The following NDUFA8 variants were observed in gnomAD, a reference collection of about 807,000 sequenced individuals.
The protein encoded by NDUFA8 is NADH dehydrogenase [ubiquinone] 1 alpha subcomplex subunit 8.
A neutral mutation model predicts 20.9 loss-of-function variants in NDUFA8; 16 were observed. The observed-to-expected ratio is 0.77, with a 90% CI of 0.52 to 1.16. The LOEUF is 1.16. NDUFA8 is among the 50% of genes most tolerant of loss of function. The pLI is 0.00. For missense variants in NDUFA8, 202 were observed against 216.4 expected, an observed-to-expected ratio of 0.93 and a Z score of 0.42; for synonymous variants, 70 against 76.1, an observed-to-expected ratio of 0.92 and a Z score of 0.41.
At chr9:122,137,743 G>T in the NDUFA8 span, among the ~76,000 whole-genome samples, 15 of 152,346 alleles carry the variant, frequency 9.8e-5, no homozygotes, top group African/African-American at 3.6e-4. Context: ...CCCCCAGCAA[G>T]CTGGCTAATA....
intron 1 of NDUFA8, 76 bp from the exon 2 acceptor site, chr9:122,152,484 G>A: frequency 7.0e-7 from 1 of 1,420,650 alleles, no homozygotes; most frequent in South Asian, 1.2e-5. Flanking sequence ...CCTCATGCGG[G>A]TCAGAATAGA....
At chr9:122,158,841 GC>G in intron 1 of NDUFA8, among the ~76,000 whole-genome samples, 1 of 150,872 alleles carries the variant, frequency 6.6e-6, no homozygotes, top group Non-Finnish European at 1.5e-5. Flanking sequence ...TTATAGTGTT[GC>G]TGGGAGGATT....
At chr9:122,149,733 G>A (rs1347408543) in intron 2 of NDUFA8, among the ~76,000 whole-genome samples, 4 of 152,160 alleles carry the variant, frequency 2.6e-5, no homozygotes, top group Non-Finnish European at 4.4e-5. Context: ...CAAGGTAGGC[G>A]GATCACTTGA....
rs539358929 is a variant in NDUFA8, at chr9:122,146,724, C to T, written c.381+1388G>A. ...CCAGACTGGGTAATATAGCAAAATC[C>T]TGTCTCTACTAAAATACAAAAATTA... On this transcript the variant is annotated intron_variant, in intron 3 of 3. Transcript: ENST00000373768. Among the ~76,000 whole-genome samples the T allele has an allele frequency of 2.6e-5, 4 of 152,296 alleles. No individual in the cohort carries two copies. In the South Asian group the frequency reaches 8.3e-4, roughly 32 times the overall value.
At chr9:122,146,296 AT>A (rs140728158) in intron 3 of NDUFA8, among the ~76,000 whole-genome samples, 2,383 of 150,956 alleles carry the variant, frequency 0.016, 36 homozygotes, top group Middle Eastern at 0.027. Context: ...AGTTAAGAGA[AT>A]TTTTTTTTTA....
intron 1 of NDUFA8, among the ~76,000 whole-genome samples, chr9:122,153,537 T>C (rs1199770872): frequency 6.6e-6 from 1 of 152,180 alleles, no homozygotes; most frequent in African/African-American, 2.4e-5. Flanking sequence ...AGTGATATTT[T>C]CTTGAGAAGA....
downstream of NDUFA8, among the ~76,000 whole-genome samples, chr9:122,141,156 T>C (rs1455333839): frequency 1.3e-5 from 2 of 151,940 alleles, no homozygotes; most frequent in African/African-American, 4.8e-5. Flanking sequence ...TGCTGTAGAG[T>C]ATAGGCTACA....
At chr9:122,142,101 A>G (rs1368023650), downstream of NDUFA8, among the ~76,000 whole-genome samples, 2 of 152,236 alleles carry the variant, frequency 1.3e-5, no homozygotes, top group African/African-American at 2.4e-5. Flanking sequence ...GGTATGGTTT[A>G]TTCCCTCATT....
downstream of NDUFA8, among the ~76,000 whole-genome samples, chr9:122,140,432 T>A (rs76065912): frequency 0.039 from 6,016 of 152,320 alleles, 184 homozygotes; most frequent in Admixed American, 0.083. Context: ...GGATTTGATA[T>A]CTACAAAGAT....
the NDUFA8 span, among the ~76,000 whole-genome samples, chr9:122,138,493 C>G: frequency 6.6e-6 from 1 of 152,104 alleles, no homozygotes; most frequent in Non-Finnish European, 1.5e-5. Context: ...TGGCGTTAAT[C>G]ATTAAGGTAA....
the NDUFA8 span, among the ~76,000 whole-genome samples, chr9:122,137,238 C>CTTTCT: frequency 9.4e-6 from 1 of 106,588 alleles, no homozygotes; most frequent in South Asian, 3.3e-4. Flanking sequence ...TTTTCCTTTC[C>CTTTCT]TTTTTTTTTT....
At chr9:122,135,871 G>A in the NDUFA8 span, among the ~76,000 whole-genome samples, 1 of 152,210 alleles carries the variant, frequency 6.6e-6, no homozygotes, top group Non-Finnish European at 1.5e-5. Context: ...TTACAGGTGT[G>A]AGCCACCATG....
chr9:122,140,751 G>A (rs1828807359), downstream of NDUFA8, among the ~76,000 whole-genome samples: 1 of 152,188 alleles, frequency 6.6e-6, no homozygotes, highest in Non-Finnish European at 1.5e-5. Flanking sequence ...TTTTGTGTGT[G>A]TAACTCACTA....
chr9:122,143,926 G>A, downstream of NDUFA8: 1 of 542,692 alleles, frequency 1.8e-6, no homozygotes, highest in Non-Finnish European at 2.9e-6. Flanking sequence ...TGTTCTAACA[G>A]GGATCCCCAG....
At chr9:122,153,519 A>G (rs1181639217) in intron 1 of NDUFA8, among the ~76,000 whole-genome samples, 1 of 152,168 alleles carries the variant, frequency 6.6e-6, no homozygotes, top group East Asian at 1.9e-4. Context: ...TTTGCTCAAT[A>G]GTATTTTAGT....
chr9:122,139,859 A>G (rs1390379704), downstream of NDUFA8, among the ~76,000 whole-genome samples: 1 of 152,050 alleles, frequency 6.6e-6, no homozygotes, highest in Non-Finnish European at 1.5e-5. Flanking sequence ...ACGCCCAGCT[A>G]ATTTTTGTAT....
chr9:122,147,211 T>G (rs1828917068), intron 3 of NDUFA8, among the ~76,000 whole-genome samples: 1 of 151,606 alleles, frequency 6.6e-6, no homozygotes, highest in South Asian at 2.1e-4. Flanking sequence ...TGTCCAAGAA[T>G]AAGATAACAG....
At chr9:122,148,377 T>C in intron 2 of NDUFA8, 100 bp from the exon 3 acceptor site, 4 of 1,365,610 alleles carry the variant, frequency 2.9e-6, no homozygotes, top group Non-Finnish European at 4.2e-6. Flanking sequence ...ATAGCCTTGC[T>C]TTTTGAAAGG....
At chr9:122,147,216 TAAC>T (rs1300232113) in intron 3 of NDUFA8, among the ~76,000 whole-genome samples, 1 of 151,576 alleles carries the variant, frequency 6.6e-6, no homozygotes, top group African/African-American at 2.4e-5. Flanking sequence ...AAGAATAAGA[TAAC>T]AGCAGCAGGA....
Sources: gnomAD v4.1 joint callset for allele counts (sites outside exome capture counted in the v4.1 genomes callset) on GRCh38, gnomAD v4.1.1 for gene constraint, MANE v1.5 for transcripts, NCBI Gene and HGNC (gene_info 2026-07-23, HGNC 2026-07-21) for gene names.